The following RANBP2 variants were observed in gnomAD, a reference collection of about 807,000 sequenced individuals.
RANBP2 encodes RAN binding protein 2, also known as E3 SUMO-protein ligase RanBP2.
RANBP2 carries 57 observed loss-of-function variants against 303.6 expected under a neutral mutation model. The observed-to-expected ratio is 0.19, with a 90% CI of 0.15 to 0.23. RANBP2 has a LOEUF of 0.23. Ranked by LOEUF, RANBP2 falls within the 10% of genes least tolerant of loss-of-function variation. The pLI, the probability that RANBP2 is intolerant of heterozygous loss-of-function variation, is 1.00. For missense variants in RANBP2, 3,138 were observed against 3,780.8 expected, an observed-to-expected ratio of 0.83 and a Z score of 4.46; for synonymous variants, 1,167 against 1,301.5, an observed-to-expected ratio of 0.90 and a Z score of 2.23.
the RANBP2 span, chr2:109,552,841 T>C: frequency 9.7e-6 from 4 of 413,842 alleles, no homozygotes; most frequent in Non-Finnish European, 1.3e-5. Context: ...TTCCAGTTCA[T>C]TGTAAGAATT....
At chr2:109,054,332 A>G in the RANBP2 span, among the ~76,000 whole-genome samples, 2 of 152,234 alleles carry the variant, frequency 1.3e-5, no homozygotes, top group African/African-American at 4.8e-5. Context: ...TCCTATACAG[A>G]TTTGCCTGCT....
At chr2:109,504,191 G>A in the RANBP2 span, 6 of 152,336 alleles carry the variant, frequency 3.9e-5, no homozygotes, top group African/African-American at 1.2e-4. Context: ...CATGTTTGGC[G>A]GTTAAGATGA....
At chr2:108,824,258 A>G in the RANBP2 span, among the ~76,000 whole-genome samples, 2 of 152,170 alleles carry the variant, frequency 1.3e-5, no homozygotes, top group African/African-American at 4.8e-5. Flanking sequence ...TTGACTCTGT[A>G]ATATTAACAC....
chr2:109,151,334 G>A, the RANBP2 span, among the ~76,000 whole-genome samples: 2 of 152,106 alleles, frequency 1.3e-5, no homozygotes, highest in Non-Finnish European at 2.9e-5. Context: ...GTGCCTACAC[G>A]TCTCAGAAAC....
chr2:109,338,126 G>T, the RANBP2 span, among the ~76,000 whole-genome samples: 5 of 152,146 alleles, frequency 3.3e-5, no homozygotes, highest in Admixed American at 6.5e-5. Context: ...GTAGCTTCCC[G>T]AGTCGGAAGT....
At chr2:109,648,831 T>A in the RANBP2 span, among the ~76,000 whole-genome samples, 4 of 151,808 alleles carry the variant, frequency 2.6e-5, no homozygotes, top group Non-Finnish European at 5.9e-5. Flanking sequence ...TTTTTGTATT[T>A]TTAGTAGAGA....
At chr2:108,791,410 AGCTGTAGAAT>A in the RANBP2 span, 2 of 438,522 alleles carry the variant, frequency 4.6e-6, no homozygotes, top group African/African-American at 4.1e-5. Flanking sequence ...AGTGTTCCTT[AGCTGTAGAAT>A]ATACCACAGG....
the RANBP2 span, chr2:109,615,797 G>C: frequency 6.2e-7 from 1 of 1,614,088 alleles, no homozygotes; most frequent in East Asian, 2.2e-5. Flanking sequence ...AAGATGGAGG[G>C]GACCATCACC....
the RANBP2 span, among the ~76,000 whole-genome samples, chr2:109,373,985 A>G: frequency 7.9e-5 from 12 of 152,094 alleles, no homozygotes; most frequent in African/African-American, 2.7e-4. Context: ...AGGCACACTC[A>G]GAGACAAACT....
At chr2:109,206,490 CAAAAAAA>C in the RANBP2 span, among the ~76,000 whole-genome samples, 5 of 40,756 alleles carry the variant, frequency 1.2e-4, no homozygotes, top group African/African-American at 3.0e-4. Context: ...GACTCCGTCT[CAAAAAAA>C]AAAAAAAAAA....
At chr2:109,007,932 A>G in the RANBP2 span, among the ~76,000 whole-genome samples, 1 of 152,232 alleles carries the variant, frequency 6.6e-6, no homozygotes, top group African/African-American at 2.4e-5. Context: ...CGTTGGGGCC[A>G]GAGTTATTAA....
the RANBP2 span, among the ~76,000 whole-genome samples, chr2:108,912,523 C>T: frequency 4.6e-5 from 7 of 152,160 alleles, no homozygotes; most frequent in African/African-American, 9.7e-5. Flanking sequence ...ACTTCCTGCA[C>T]GGGGGGCAAC....
chr2:109,431,598 T>C, the RANBP2 span, among the ~76,000 whole-genome samples: 1 of 152,186 alleles, frequency 6.6e-6, no homozygotes. Flanking sequence ...AAATAAGACT[T>C]AAAATTAAGG....
At chr2:109,343,922 T>C in the RANBP2 span, among the ~76,000 whole-genome samples, 1 of 152,098 alleles carries the variant, frequency 6.6e-6, no homozygotes, top group Non-Finnish European at 1.5e-5. Context: ...AAAAATATTA[T>C]TTTTAGAGAT....
chr2:109,613,094 G>T, the RANBP2 span: 1 of 932,908 alleles, frequency 1.1e-6, no homozygotes, highest in Non-Finnish European at 1.5e-6. Context: ...TCCAAACGGC[G>T]GTGAGATCAC....
the RANBP2 span, among the ~76,000 whole-genome samples, chr2:109,711,726 C>G: frequency 2.6e-5 from 4 of 152,164 alleles, no homozygotes; most frequent in Non-Finnish European, 5.9e-5. Context: ...CCTGCCTCCT[C>G]CTTGCTCAAA....
chr2:109,093,422 A>AG, the RANBP2 span, among the ~76,000 whole-genome samples: 5 of 151,394 alleles, frequency 3.3e-5, no homozygotes, highest in Middle Eastern at 3.4e-3. Flanking sequence ...AAAAAAAAAA[A>AG]AAAGAAAGAA....
chr2:109,302,867 C>T, the RANBP2 span, among the ~76,000 whole-genome samples: 2 of 152,218 alleles, frequency 1.3e-5, no homozygotes, highest in African/African-American at 2.4e-5. Flanking sequence ...ATCTGATCTC[C>T]TTAGCTTTTT....
the RANBP2 span, among the ~76,000 whole-genome samples, chr2:109,427,727 G>A: frequency 9.9e-4 from 151 of 152,346 alleles, no homozygotes; most frequent in African/African-American, 3.5e-3. Flanking sequence ...GTTCTACCTG[G>A]GAGAACCCCA....
Sources: gnomAD v4.1 joint callset for allele counts (sites outside exome capture counted in the v4.1 genomes callset) on GRCh38, gnomAD v4.1.1 for gene constraint, MANE v1.5 for transcripts, NCBI Gene and HGNC (gene_info 2026-07-23, HGNC 2026-07-21) for gene names.